The following ABCA7 variants were observed in gnomAD, a reference collection of about 807,000 sequenced individuals.
The protein encoded by ABCA7 is phospholipid-transporting ATPase ABCA7.
A neutral mutation model predicts 227.6 loss-of-function variants in ABCA7; 261 were observed. The observed-to-expected ratio is 1.15, with a 90% CI of 1.04 to 1.27. The LOEUF is 1.27. Among genes scored for constraint, ABCA7 ranks in the 50% most tolerant of loss-of-function variants. ABCA7 has a pLI of 0.00. For missense variants in ABCA7, 3,331 were observed against 2,924.5 expected (o/e 1.14, Z -3.21); for synonymous variants, 1,488 against 1,279.7 (o/e 1.16, Z -3.47).
chr19:1,043,759 G>C lies in ABCA7; in HGVS notation c.965G>C (p.Arg322Thr). The C allele has an allele frequency of 6.2e-7, 1 of 1,613,148 alleles. No homozygotes were observed. The highest frequency in any genetic ancestry group is 8.5e-7 in the Non-Finnish European group (1 of 1,179,968). The change falls in exon 10 of 47, where the codon AGG becomes ACG. Residue 322 changes from arginine to threonine, a missense_variant. Physicochemically the swap from Arg to Thr is moderately conservative, Grantham distance 71. Coordinates refer to ENST00000263094, the MANE Select transcript of ABCA7 (RefSeq NM_019112.4). ...ACCTTCGAGGAGCTCACCCTGCTGAGGGATGTCCGGGAGGTGTGGGAGATG... is the reference window on the plus strand; with the variant it reads ...ACCTTCGAGGAGCTCACCCTGCTGACGGATGTCCGGGAGGTGTGGGAGATG... ...NRTFEELTLL[R>T]DVREVWEMLG...
At position 1,052,209 on chromosome 19, in the gene ABCA7, C is replaced by G. The variant is rs370429500; in HGVS notation, c.3148-5C>G. 26 of 1,589,362 alleles carry G rather than the reference C, an allele frequency of 1.6e-5. No homozygotes were observed. The East Asian group carries it at 6.0e-4, about 37-fold the overall frequency. ...CCAAGCCACTTGGTGCCTCTCTGCCCGCAGGCTGACACTGACATGGAGGGC... is the reference window on the plus strand; with the variant it reads ...CCAAGCCACTTGGTGCCTCTCTGCCGGCAGGCTGACACTGACATGGAGGGC... On this transcript the variant is annotated splice_region_variant and splice_polypyrimidine_tract_variant and intron_variant, in intron 22 of 46. Coordinates refer to ENST00000263094, the MANE Select transcript of ABCA7 (RefSeq NM_019112.4).
Position 1,042,846 on chromosome 19 carries a change from C to T in ABCA7, c.579+20C>T. The T allele has an allele frequency of 6.4e-7, 1 of 1,556,174 alleles. No individual in the cohort carries two copies. Among genetic ancestry groups the T allele is most frequent in the Middle Eastern group, 1.7e-4 (1 of 5,724 alleles). On this transcript the variant is annotated intron_variant, in intron 7 of 46. Coordinates refer to ENST00000263094, the MANE Select transcript of ABCA7 (RefSeq NM_019112.4). ...CAGGAGGTACGAGGCCCCACTCATC[C>T]TCAACCCCCATGGAGGCAACGTTGG... is the stretch of plus-strand genomic sequence containing the variant.
intron 16 of ABCA7, 122 bp downstream of exon 16, chr19:1,047,776 G>A (rs2040860269): frequency 8.7e-7 from 1 of 1,145,390 alleles, no homozygotes; most frequent in East Asian, 2.7e-5. Flanking sequence ...GAGAGAAGGC[G>A]GGGCTTCTTG....
In ABCA7 at chr19:1,046,198, C is replaced by G. The variant is rs201343920; in HGVS notation, c.1446-32C>G. On this transcript the variant is annotated intron_variant, in intron 12 of 46. Coordinates refer to ENST00000263094, the MANE Select transcript of ABCA7 (RefSeq NM_019112.4). ...GGGGCCCCGGGAGTTTCTAGCCCTT[C>G]CCTACAACCGGCCACCATGCCCCTC... 158 of 1,600,256 alleles carry G rather than the reference C, an allele frequency of 9.9e-5. No homozygotes were observed. In the East Asian group the frequency reaches 3.3e-3, roughly 34 times the overall value.
chr19:1,042,247 C>CAGGGTG lies in ABCA7; in HGVS notation c.416-67_416-62dup, dbSNP rs1349299275. 4 of 1,588,600 alleles carry CAGGGTG rather than the reference C, an allele frequency of 2.5e-6. No individual in the cohort carries two copies. In the African/African-American group the frequency reaches 5.4e-5, roughly 21 times the overall value. On this transcript the variant is annotated intron_variant, in intron 5 of 46. Transcript: ENST00000263094. ...AACTTGCCGGGCCGTGAAATGGGCA[C>CAGGGTG]AGGGTGGGGGTGGGTGCCTCAGACC...
chr19:1,051,527 C>A lies in ABCA7; in HGVS notation c.2903C>A (p.Ala968Asp). The A allele has an allele frequency of 6.2e-7, 1 of 1,612,680 alleles. No individual in the cohort carries two copies. Among genetic ancestry groups the A allele is most frequent in the African/African-American group, 1.3e-5 (1 of 75,054 alleles). Residue 968 changes from alanine (A) to aspartate (D), a missense_variant, in exon 21 of 47, where the codon GCT (alanine) becomes GAT (aspartate). Ala to Asp is a moderately radical substitution (Grantham distance 126). Coordinates refer to ENST00000263094, the MANE Select transcript of ABCA7 (RefSeq NM_019112.4). ...SQVVILDEPTAGVDPASRRGI... is the reference protein window; with the variant it reads ...SQVVILDEPTDGVDPASRRGI... ...GTTGTTATCCTGGACGAGCCTACGG[C>A]TGGCGTGGATCCTGCTTCCCGCCGC...
chr19:1,046,483 G>A, intron 13 of ABCA7, 77 bp downstream of exon 13: 1 of 1,498,634 alleles, frequency 6.7e-7, no homozygotes, highest in Non-Finnish European at 8.8e-7. Context: ...AGGCTCTGTT[G>A]GGAACCTTCC....
intron 44 of ABCA7, 126 bp downstream of exon 44, chr19:1,063,989 G>T: frequency 7.4e-7 from 1 of 1,359,360 alleles, no homozygotes. Flanking sequence ...GCCAGGCCCC[G>T]GGGTGTAAGG....
chr19:1,063,446 G>A (rs2042819102), intron 42 of ABCA7, 98 bp from the exon 43 acceptor site: 1 of 1,498,116 alleles, frequency 6.7e-7, no homozygotes, highest in Non-Finnish European at 9.0e-7. Flanking sequence ...TGCCCATTAT[G>A]CCCCTGCTCC....
In ABCA7 at chr19:1,065,187, G is replaced by C. The variant is rs913733982; in HGVS notation, c.6285+16G>C. On this transcript the variant is annotated intron_variant, in intron 46 of 46. Transcript: ENST00000263094. Reference sequence around the variant, plus strand: ...GCTGGAGGAGGTGATCACGGCGCCGGGGTCGGGCTGGGGGAGGCAGGCTGG... The same window carrying C: ...GCTGGAGGAGGTGATCACGGCGCCGCGGTCGGGCTGGGGGAGGCAGGCTGG... The C allele has an allele frequency of 6.3e-7, 1 of 1,594,756 alleles. No homozygotes were observed. The highest frequency in any genetic ancestry group is 8.6e-7 in the Non-Finnish European group (1 of 1,168,624).
At position 1,047,453 on chromosome 19, in the gene ABCA7, A is replaced by G. The variant is rs1791479271; in HGVS notation, c.2068A>G (p.Ser690Gly). 1.3e-6 allele frequency: 2 copies of G among 1,544,596 alleles called. No individual in the cohort carries two copies. The highest frequency in any genetic ancestry group is 1.7e-6 in the Non-Finnish European group (2 of 1,148,100). ...TCACTGACCGCCCGCTTTTCCGCAG[A>G]GCCTGCTGTCGCCCGTGGCCTTCGG... is the stretch of plus-strand genomic sequence containing the variant. ...RLPAGGRVAA[S>G]LLSPVAFGFG... Residue 690 changes from serine (S) to glycine (G), a missense_variant and splice_region_variant, in exon 16 of 47, where the codon AGC (serine) becomes GGC (glycine). Coordinates refer to ENST00000263094, the MANE Select transcript of ABCA7 (RefSeq NM_019112.4).
chr19:1,057,001 C>T lies in ABCA7; in HGVS notation c.4681C>T (p.Arg1561Ter), dbSNP rs768471733. The change falls in exon 34 of 47, where the codon CGA becomes TGA. Residue 1561 changes from arginine to a stop codon, truncating the protein, a stop_gained. Coordinates refer to ENST00000263094, the MANE Select transcript of ABCA7 (RefSeq NM_019112.4). LOFTEE classifies it high-confidence loss of function. ...ASFTLVLIEE[R>*]VTRAKHLQLM... ...CTTCACTCTTGTCCTCATTGAGGAGCGAGTCACCCGAGCCAAGCACCTGCA... is the reference window on the plus strand; with the variant it reads ...CTTCACTCTTGTCCTCATTGAGGAGTGAGTCACCCGAGCCAAGCACCTGCA... The T allele has an allele frequency of 1.5e-5, 25 of 1,613,786 alleles. No homozygotes were observed. Among genetic ancestry groups the T allele is most frequent in the Non-Finnish European group, 1.9e-5 (23 of 1,180,018 alleles).
chr19:1,043,992 C>T, intron 10 of ABCA7, 151 bp downstream of exon 10: 2 of 689,028 alleles, frequency 2.9e-6, no homozygotes, highest in Non-Finnish European at 5.0e-6. Context: ...AGCTGGAATG[C>T]AGTGGCGTGA....
chr19:1,047,529 A>G lies in ABCA7; in HGVS notation c.2144A>G (p.Gln715Arg), dbSNP rs774319829. Reference sequence around the variant, plus strand: ...CTGGAGGAGCAGGGCGAGGGCGCGCAGTGGCACAACGTGGGCACCCGGCCT... The same window carrying G: ...CTGGAGGAGCAGGGCGAGGGCGCGCGGTGGCACAACGTGGGCACCCGGCCT... ...ALLEEQGEGAQWHNVGTRPTA... is the reference protein window; with the variant it reads ...ALLEEQGEGARWHNVGTRPTA... Residue 715 changes from glutamine (Q) to arginine (R), a missense_variant, in exon 16 of 47, where the codon CAG (glutamine) becomes CGG (arginine). Transcript: ENST00000263094. 7 of 1,596,590 alleles carry G rather than the reference A, an allele frequency of 4.4e-6. No individual in the cohort carries two copies. Among genetic ancestry groups the G allele is most frequent in the South Asian group, 1.1e-5 (1 of 89,962 alleles).
intron 42 of ABCA7, among the ~76,000 whole-genome samples, chr19:1,062,667 G>T (rs1032996442): frequency 2.0e-5 from 3 of 151,830 alleles, no homozygotes; most frequent in African/African-American, 7.3e-5. Flanking sequence ...TGGGGTCACG[G>T]TCACATTCTC....
chr19:1,041,575 C>T lies in ABCA7; in HGVS notation c.132C>T (p.His44=). 1 of 1,612,760 alleles carries T rather than the reference C, an allele frequency of 6.2e-7. No homozygotes were observed. The highest frequency in any genetic ancestry group is 1.6e-4 in the Middle Eastern group (1 of 6,062). Residue 44 remains histidine (H), a synonymous_variant, in exon 3 of 47, where the codon CAC becomes CAT. Coordinates refer to ENST00000263094, the MANE Select transcript of ABCA7 (RefSeq NM_019112.4). ...TCTTCATCCTGGTGGCTGTTCGCCA[C>T]TCCCACCCGCCCCTGGAGCACCATG... The part of the protein sequence containing the change: ...FLFFILVAVR[H]SHPPLEHHEC...
chr19:1,044,976 C>G (rs3764649), intron 11 of ABCA7, 26 bp from the exon 12 acceptor site: 92,873 of 1,609,998 alleles, frequency 0.058, 3,064 homozygotes, highest in South Asian at 0.1. Context: ...ACCCCAGCGC[C>G]TAGGACTCAC....
At chr19:1,042,720 G>C (rs750795753) in intron 6 of ABCA7, 26 bp from the exon 7 acceptor site, 9 of 1,610,180 alleles carry the variant, frequency 5.6e-6, no homozygotes, top group Non-Finnish European at 7.6e-6. Context: ...CAAAATCATT[G>C]TCCCCCTTGT....
chr19:1,063,168 CCCACA>C (rs1225982233), intron 42 of ABCA7, among the ~76,000 whole-genome samples: 4 of 143,390 alleles, frequency 2.8e-5, no homozygotes, highest in Admixed American at 6.9e-5. Flanking sequence ...GCTGGCTCCA[CCCACA>C]CCATGGCCCC....
Sources: allele counts gnomAD v4.1 joint callset (sites outside exome capture counted in the v4.1 genomes callset), GRCh38; gene constraint gnomAD v4.1.1; transcripts MANE v1.5; gene names NCBI Gene and HGNC (gene_info 2026-07-23, HGNC 2026-07-21).